Variants in ZNF676 observed in about 807,000 individuals in gnomAD.
The protein encoded by ZNF676 is zinc finger protein 676.
ZNF676 carries 4 observed loss-of-function variants against 6.0 expected under a neutral mutation model. The observed-to-expected ratio is 0.67, with a 90% CI of 0.33 to 1.53. The LOEUF (loss-of-function observed/expected upper bound fraction) is 1.53, where lower values mean the gene tolerates loss of function less well. Among genes scored for constraint, ZNF676 ranks in the 40% most tolerant of loss-of-function variants. The pLI, the probability that ZNF676 is intolerant of heterozygous loss-of-function variation, is 0.06. For missense variants in ZNF676, 644 were observed against 679.7 expected (o/e 0.95, Z 0.58); for synonymous variants, 198 against 223.1 (o/e 0.89, Z 1.00).
chr19:22,183,886 AGATT>A (rs1455733284), intron 2 of ZNF676, among the ~76,000 whole-genome samples: 1 of 152,234 alleles, frequency 6.6e-6, no homozygotes, highest in Non-Finnish European at 1.5e-5. Context: ...AAAAAATAAT[AGATT>A]AACTGGGAAT....
the ZNF676 span, among the ~76,000 whole-genome samples, chr19:22,228,762 C>T: frequency 6.6e-6 from 1 of 152,144 alleles, no homozygotes; most frequent in Non-Finnish European, 1.5e-5. Context: ...ACAATTGCTA[C>T]AAAGAGAATA....
chr19:22,258,380 G>A, the ZNF676 span, among the ~76,000 whole-genome samples: 1,092 of 152,166 alleles, frequency 7.2e-3, 1 homozygote, highest in African/African-American at 0.024. Context: ...TTTGAGAGCA[G>A]GACCAAGGAA....
chr19:22,193,244 C>T, intron 1 of ZNF676, 133 bp from the exon 2 acceptor site: 1 of 1,085,204 alleles, frequency 9.2e-7, no homozygotes, highest in Non-Finnish European at 1.2e-6. Context: ...TATAACATGT[C>T]TGTTGAAGAA....
chr19:22,187,984 A>G (rs1429077029), intron 2 of ZNF676, among the ~76,000 whole-genome samples: 1 of 152,154 alleles, frequency 6.6e-6, no homozygotes, highest in Non-Finnish European at 1.5e-5. Flanking sequence ...ACAATAGAAA[A>G]AGAGGGACTC....
the ZNF676 span, among the ~76,000 whole-genome samples, chr19:22,224,805 G>A: frequency 6.6e-6 from 1 of 152,036 alleles, no homozygotes; most frequent in Admixed American, 6.6e-5. Context: ...GATCAGCCTG[G>A]GAAACATATA....
chr19:22,185,453 C>T (rs955726557), intron 2 of ZNF676, among the ~76,000 whole-genome samples: 30 of 151,202 alleles, frequency 2.0e-4, no homozygotes, highest in African/African-American at 6.8e-4. Flanking sequence ...AACCAGAATG[C>T]CTATTCTCCT....
chr19:22,235,458 G>A, the ZNF676 span, among the ~76,000 whole-genome samples: 1 of 152,172 alleles, frequency 6.6e-6, no homozygotes, highest in Non-Finnish European at 1.5e-5. Flanking sequence ...TAGACATTGT[G>A]CCTCTTTCTT....
Position 22,181,272 on chromosome 19 carries a change from A to T in ZNF676, c.445T>A (p.Ser149Thr). The change falls in exon 3 of 3, where the codon TCA becomes ACA. Residue 149 changes from serine to threonine, a missense_variant. Physicochemically the swap from Ser to Thr is moderately conservative, Grantham distance 58 (BLOSUM62 1). Transcript: ENST00000397121. ...KGLKCKEYVR[S>T]FCMLSHLSQH... is the part of the protein sequence containing the mutation. ...GATAGGTGTGAAAGCATGCAAAATG[A>T]TCTGACATATTCTTTACATTTCAAA... The T allele has an allele frequency of 1.2e-6, 2 of 1,613,756 alleles. No individual in the cohort carries two copies. Among genetic ancestry groups the T allele is most frequent in the Middle Eastern group, 1.7e-4 (1 of 6,052 alleles).
upstream of ZNF676, among the ~76,000 whole-genome samples, chr19:22,200,850 G>T (rs2024018501): frequency 6.6e-6 from 1 of 151,920 alleles, no homozygotes; most frequent in Admixed American, 6.6e-5. Flanking sequence ...CACCCAGCCT[G>T]CTTCTTCTAT....
intron 2 of ZNF676, among the ~76,000 whole-genome samples, chr19:22,184,375 T>C (rs2023802784): frequency 6.6e-6 from 1 of 152,062 alleles, no homozygotes; most frequent in Non-Finnish European, 1.5e-5. Flanking sequence ...ACCAGAAGAT[T>C]CCCTCTGGTG....
At position 22,191,428 on chromosome 19, in the gene ZNF676, T is replaced by G. The variant is rs113445585; in HGVS notation, c.130+1588A>C. ...AGAGGCTTGGAGACTGATACCCATT[T>G]AGAGCCATGCTGGCAGGCCTGCAGA... On this transcript the variant is annotated intron_variant, in intron 2 of 2. Coordinates refer to ENST00000397121, the MANE Select transcript of ZNF676 (RefSeq NM_001001411.3). 2.8e-3 allele frequency among the ~76,000 whole-genome samples: 433 copies of G among 152,272 alleles called. 2 individuals carry two copies. The highest frequency in any genetic ancestry group is 0.01 in the African/African-American group (420 of 41,560).
At chr19:22,220,330 A>G (rs1172339239), upstream of ZNF676, among the ~76,000 whole-genome samples, 1 of 152,108 alleles carries the variant, frequency 6.6e-6, no homozygotes, top group African/African-American at 2.4e-5. Context: ...CTGGCTTCAT[A>G]GAATAATTTA....
chr19:22,237,227 A>AG, the ZNF676 span, among the ~76,000 whole-genome samples: 1 of 152,100 alleles, frequency 6.6e-6, no homozygotes, highest in African/African-American at 2.4e-5. Context: ...GCTCACTCAC[A>AG]GGGGGGCCAT....
the ZNF676 span, among the ~76,000 whole-genome samples, chr19:22,235,125 A>AAGGCAGGAAGGCAGGAAGGCAGGAAGGC: frequency 1.3e-5 from 1 of 75,682 alleles, no homozygotes; most frequent in East Asian, 4.8e-4. Flanking sequence ...GGAAGGCAGG[A>AAGGCAGGAAGGCAGGAAGGCAGGAAGGC]AGGAAGGAAG....
the ZNF676 span, among the ~76,000 whole-genome samples, chr19:22,252,708 T>C: frequency 1.3e-5 from 2 of 150,546 alleles, no homozygotes; most frequent in African/African-American, 5.0e-5. Flanking sequence ...TATGTCACAA[T>C]GGCCCATGTG....
the ZNF676 span, among the ~76,000 whole-genome samples, chr19:22,251,248 A>G: frequency 1.3e-5 from 2 of 152,266 alleles, no homozygotes; most frequent in Non-Finnish European, 2.9e-5. Context: ...CAGGCCAACT[A>G]TAAGACTAAA....
chr19:22,246,591 T>C, the ZNF676 span, among the ~76,000 whole-genome samples: 15 of 152,132 alleles, frequency 9.9e-5, no homozygotes, highest in African/African-American at 3.6e-4. Context: ...AAGTCTCTGG[T>C]ATGAGAGAAG....
chr19:22,213,540 G>C (rs555398124), intron 1 of ZNF676, among the ~76,000 whole-genome samples: 1 of 151,998 alleles, frequency 6.6e-6, no homozygotes, highest in Non-Finnish European at 1.5e-5. Context: ...TCCATACCTC[G>C]GGTTGTCCTA....
intron 1 of ZNF676, among the ~76,000 whole-genome samples, chr19:22,215,040 C>CAAAAAAAAAA (rs1159376851): frequency 3.9e-5 from 2 of 51,412 alleles, no homozygotes; most frequent in Non-Finnish European, 7.2e-5. Flanking sequence ...GACTCCATCT[C>CAAAAAAAAAA]AAAAAAAAAA....
Sources: allele counts gnomAD v4.1 joint callset (sites outside exome capture counted in the v4.1 genomes callset), GRCh38; gene constraint gnomAD v4.1.1; transcripts MANE v1.5; gene names NCBI Gene and HGNC (gene_info 2026-07-23, HGNC 2026-07-21).